The following PCDHA2 variants were observed in gnomAD, a reference collection of about 807,000 sequenced individuals.
The protein encoded by PCDHA2 is protocadherin alpha-2.
PCDHA2 carries 58 observed loss-of-function variants against 66.0 expected under a neutral mutation model. That is an observed-to-expected ratio of 0.88 (90% CI 0.71 to 1.09). PCDHA2 has a LOEUF of 1.09. PCDHA2 is among the 50% of genes least tolerant of loss of function. The probability of loss-of-function intolerance (pLI) is 0.00; values close to 1 mark genes in which losing one functional copy is unlikely to be tolerated. For synonymous variants in PCDHA2, 634 were observed against 554.0 expected (o/e 1.14, Z -2.03); for missense variants, 1,267 against 1,242.3 (o/e 1.02, Z -0.30).
At position 140,966,247 on chromosome 5, in the gene PCDHA2, A is replaced by G. The variant is rs145363912; in HGVS notation, c.2389-12702A>G. 739 of 318,152 alleles carry G rather than the reference A, an allele frequency of 2.3e-3. 16 individuals are homozygous for G. In the Admixed American group the frequency reaches 0.033, roughly 14 times the overall value. 19.7% of individuals were successfully genotyped at this position (318,152 alleles called of 1,614,324 possible). On this transcript the variant is annotated intron_variant, in intron 1 of 3. Coordinates refer to ENST00000526136, the MANE Select transcript of PCDHA2 (RefSeq NM_018905.3). ...TCCTTAAAGACCCGTTAAGCAGGGGAGAGACGGTGGAGACTGGATGAACTG... is the reference window on the plus strand; with the variant it reads ...TCCTTAAAGACCCGTTAAGCAGGGGGGAGACGGTGGAGACTGGATGAACTG...
intron 1 of PCDHA2, chr5:140,928,117 A>G (rs781867812): frequency 1.1e-5 from 18 of 1,614,208 alleles, no homozygotes; most frequent in Non-Finnish European, 1.5e-5. Context: ...GGAGCAGATC[A>G]GTGAATACCA....
chr5:140,856,016 A>G (rs2043730978), intron 1 of PCDHA2: 2 of 1,550,936 alleles, frequency 1.3e-6, no homozygotes, highest in East Asian at 2.3e-5. Flanking sequence ...TAGACCGCTG[A>G]TTCGTCGATT....
intron 1 of PCDHA2, among the ~76,000 whole-genome samples, chr5:140,934,036 G>T (rs181745303): frequency 2.9e-4 from 44 of 151,956 alleles, no homozygotes; most frequent in African/African-American, 1.0e-3. Context: ...GTTTATTAAT[G>T]ATATTAGTCT....
chr5:140,841,755 C>G, intron 1 of PCDHA2: 1 of 1,613,886 alleles, frequency 6.2e-7, no homozygotes, highest in African/African-American at 1.3e-5. Context: ...GTTTCAGAAT[C>G]CAGAATGCCA....
At chr5:140,906,443 G>GAAATAA (rs1554192538) in intron 1 of PCDHA2, among the ~76,000 whole-genome samples, 1 of 152,068 alleles carries the variant, frequency 6.6e-6, no homozygotes, top group Non-Finnish European at 1.5e-5. Flanking sequence ...AACAAGAAAG[G>GAAATAA]AAATAAAATG....
In PCDHA2 at chr5:140,968,959, C is replaced by T. The variant is rs782079520; in HGVS notation, c.2389-9990C>T. ...TCATCATTTTGAGCATCATCAAGTG[C>T]TACCGCTACACTGCGTATGGCACTG... On this transcript the variant is annotated intron_variant, in intron 1 of 3. Transcript: ENST00000526136. The T allele has an allele frequency of 1.5e-5, 25 of 1,614,182 alleles. 1 individual carries two copies. In the Middle Eastern group the frequency reaches 1.8e-3, roughly 117 times the overall value.
intron 1 of PCDHA2, chr5:140,843,225 G>T: frequency 6.3e-7 from 1 of 1,596,120 alleles, no homozygotes; most frequent in East Asian, 2.2e-5. Flanking sequence ...AGCACCACTC[G>T]TGTCCTGGAC....
intron 1 of PCDHA2, chr5:140,876,498 C>A: frequency 6.2e-7 from 1 of 1,613,918 alleles, no homozygotes; most frequent in East Asian, 2.2e-5. Context: ...AAGTTCTGGA[C>A]GTGAATGACA....
At chr5:140,882,950 C>G (rs1197710877) in intron 1 of PCDHA2, 1 of 1,614,098 alleles carries the variant, frequency 6.2e-7, no homozygotes, top group Non-Finnish European at 8.5e-7. Context: ...CACAGTTCAG[C>G]TGCTCATCAC....
chr5:140,869,737 C>T (rs781857700), intron 1 of PCDHA2: 4 of 1,613,276 alleles, frequency 2.5e-6, no homozygotes, highest in Admixed American at 1.7e-5. Context: ...TAATTTGCTG[C>T]TAACAGCTAC....
At chr5:140,870,930 A>C (rs373236202) in intron 1 of PCDHA2, 10 of 1,613,732 alleles carry the variant, frequency 6.2e-6, no homozygotes, top group Non-Finnish European at 8.5e-6. Flanking sequence ...TTTCATATGA[A>C]TTGCAGCCGG....
intron 3 of PCDHA2, among the ~76,000 whole-genome samples, chr5:141,002,749 A>G (rs2098093412): frequency 1.3e-5 from 2 of 152,202 alleles, no homozygotes; most frequent in South Asian, 4.1e-4. Flanking sequence ...TACATCGACA[A>G]CCCTGTGATG....
chr5:140,836,694 G>A (rs1249098151), intron 1 of PCDHA2: 9 of 1,613,292 alleles, frequency 5.6e-6, no homozygotes, highest in Non-Finnish European at 7.6e-6. Flanking sequence ...AGACCTCATG[G>A]CCTTCAGTCC....
At chr5:140,866,951 G>C (rs1207354253) in intron 1 of PCDHA2, 1 of 152,106 alleles carries the variant, frequency 6.6e-6, no homozygotes, top group African/African-American at 2.4e-5. Flanking sequence ...CTAGGGGCTG[G>C]TTGAGATGGT....
At chr5:140,961,548 T>G (rs2095620507) in intron 1 of PCDHA2, among the ~76,000 whole-genome samples, 2 of 152,230 alleles carry the variant, frequency 1.3e-5, no homozygotes, top group Non-Finnish European at 2.9e-5. Flanking sequence ...CCTGCAGCAT[T>G]TCTTTTTTTA....
chr5:140,898,033 GTTGT>G (rs2066486498), intron 1 of PCDHA2, among the ~76,000 whole-genome samples: 1 of 152,032 alleles, frequency 6.6e-6, no homozygotes, highest in South Asian at 2.1e-4. Flanking sequence ...TTTTGATGGG[GTTGT>G]TTGTTTTTTT....
intron 1 of PCDHA2, among the ~76,000 whole-genome samples, chr5:140,888,383 C>T (rs1279773489): frequency 3.9e-5 from 6 of 152,170 alleles, no homozygotes; most frequent in African/African-American, 1.4e-4. Flanking sequence ...CTCTGAGATG[C>T]TGCTAAACAC....
intron 1 of PCDHA2, among the ~76,000 whole-genome samples, chr5:140,922,935 G>A (rs1484457119): frequency 6.6e-6 from 1 of 152,130 alleles, no homozygotes; most frequent in Non-Finnish European, 1.5e-5. Flanking sequence ...TTTACTTCCA[G>A]CAATGGAAAT....
At position 141,010,449 on chromosome 5, in the gene PCDHA2, C is replaced by T. The variant is rs764975082; in HGVS notation, c.*512C>T. ...CAAGAAAACAAAGACAAATAAACAG[C>T]GGAAGTTATCAGTATGGAGGGGAAG... On this transcript the variant is annotated 3_prime_UTR_variant, in exon 4 of 4. Coordinates refer to ENST00000526136, the MANE Select transcript of PCDHA2 (RefSeq NM_018905.3). 14 of 915,348 alleles carry T rather than the reference C, an allele frequency of 1.5e-5. No homozygotes were observed. Among genetic ancestry groups the T allele is most frequent in the Non-Finnish European group, 2.1e-5 (13 of 631,774 alleles). 56.7% of individuals were successfully genotyped at this position (915,348 alleles called of 1,614,324 possible).
Sources: allele counts gnomAD v4.1 joint callset (sites outside exome capture counted in the v4.1 genomes callset), GRCh38; gene constraint gnomAD v4.1.1; transcripts MANE v1.5; gene names NCBI Gene and HGNC (gene_info 2026-07-23, HGNC 2026-07-21).